The following GPR139 variants were observed in gnomAD, a reference collection of about 807,000 sequenced individuals.
GPR139 encodes the protein G protein-coupled receptor 139, also known as probable G protein-coupled receptor 139.
In GPR139, 12 loss-of-function variants were observed where a neutral mutation model predicts 25.8. That is an observed-to-expected ratio of 0.47 (90% CI 0.30 to 0.75). The LOEUF (loss-of-function observed/expected upper bound fraction) is 0.75, where lower values mean the gene tolerates loss of function less well. Among genes scored for constraint, GPR139 ranks in the 30% least tolerant of loss-of-function variants. The pLI is 0.07. For missense variants in GPR139, 380 were observed against 450.2 expected (o/e 0.84, Z 1.41); for synonymous variants, 184 against 179.9 (o/e 1.02, Z -0.18).
intron 1 of GPR139, among the ~76,000 whole-genome samples, chr16:20,033,787 AC>A (rs1333911785): frequency 1.3e-5 from 2 of 152,144 alleles, no homozygotes; most frequent in Non-Finnish European, 2.9e-5. Flanking sequence ...CAGGGAAATT[AC>A]AGTTAATAAA....
chr16:20,068,474 G>A lies in GPR139; in HGVS notation c.127+5016C>T, dbSNP rs117927476. 1.8e-3 allele frequency among the ~76,000 whole-genome samples: 276 copies of A among 152,238 alleles called. 1 individual carries two copies. In the East Asian group the frequency reaches 0.025, roughly 14 times the overall value. ...TACTAACCATGTATCTTGCAAACAC[G>A]CTGAACTCATTTATTAGTTCTTAGG... On this transcript the variant is annotated intron_variant, in intron 1 of 1. Coordinates refer to ENST00000570682, the MANE Select transcript of GPR139 (RefSeq NM_001002911.4).
At chr16:20,037,381 G>A (rs1396934761) in intron 1 of GPR139, among the ~76,000 whole-genome samples, 2 of 151,380 alleles carry the variant, frequency 1.3e-5, no homozygotes, top group Non-Finnish European at 1.5e-5. Flanking sequence ...GAACTCGGGA[G>A]GTGGAAGTTA....
intron 1 of GPR139, among the ~76,000 whole-genome samples, chr16:20,067,946 T>C (rs756885559): frequency 1.3e-5 from 2 of 151,450 alleles, no homozygotes; most frequent in Non-Finnish European, 2.9e-5. Flanking sequence ...ATGATTAATA[T>C]ATTAAGTGGA....
chr16:20,032,032 C>T lies in GPR139; in HGVS notation c.765G>A (p.Ala255=), dbSNP rs1303527167. Residue 255 remains alanine (A), a synonymous_variant, in exon 2 of 2, where the codon GCG becomes GCA. Transcript: ENST00000570682. The part of the protein sequence containing the change: ...IIMILYHLYG[A]PIQNRWLVHI... Reference sequence around the variant, plus strand: ...GTACCAGCCAGCGGTTCTGGATGGGCGCCCCATAGAGGTGGTAAAGAATCA... The same window carrying T: ...GTACCAGCCAGCGGTTCTGGATGGGTGCCCCATAGAGGTGGTAAAGAATCA... 4.3e-6 allele frequency: 7 copies of T among 1,614,006 alleles called. No homozygotes were observed. The highest frequency in any genetic ancestry group is 1.1e-5 in the South Asian group (1 of 91,072).
At chr16:20,049,518 G>GCGCTTTGTT (rs2057365036) in intron 1 of GPR139, among the ~76,000 whole-genome samples, 2 of 152,226 alleles carry the variant, frequency 1.3e-5, no homozygotes, top group African/African-American at 4.8e-5. Context: ...CTGTTAAGAA[G>GCGCTTTGTT]ACTGAGTAAT....
intron 1 of GPR139, among the ~76,000 whole-genome samples, chr16:20,036,204 A>T (rs1022903786): frequency 6.6e-6 from 1 of 152,180 alleles, no homozygotes; most frequent in Non-Finnish European, 1.5e-5. Context: ...TGACCTAATC[A>T]TATATAGTCA....
At chr16:20,045,565 T>C (rs79653865) in intron 1 of GPR139, among the ~76,000 whole-genome samples, 1,623 of 152,198 alleles carry the variant, frequency 0.011, 17 homozygotes, top group Non-Finnish European at 0.016. Context: ...TTGTAACATA[T>C]TATTATTAGT....
At chr16:20,047,946 T>C (rs980610207) in intron 1 of GPR139, among the ~76,000 whole-genome samples, 1 of 152,194 alleles carries the variant, frequency 6.6e-6, no homozygotes, top group Non-Finnish European at 1.5e-5. Context: ...GTGCTAGGCA[T>C]GCTATACACT....
At chr16:20,037,857 A>T (rs886190196) in intron 1 of GPR139, among the ~76,000 whole-genome samples, 54 of 151,770 alleles carry the variant, frequency 3.6e-4, no homozygotes, top group African/African-American at 1.2e-3. Context: ...TTTTCTTGCA[A>T]CCTCTTTTTT....
chr16:20,060,239 GGT>G (rs139651154), intron 1 of GPR139, among the ~76,000 whole-genome samples: 13 of 150,572 alleles, frequency 8.6e-5, no homozygotes, highest in East Asian at 3.9e-4. Context: ...TTGGCTGCAG[GGT>G]GTGTGTGTGT....
chr16:20,053,905 A>G (rs887849368), intron 1 of GPR139, among the ~76,000 whole-genome samples: 36 of 152,132 alleles, frequency 2.4e-4, no homozygotes, highest in East Asian at 1.9e-3. Context: ...CCTGGTCATT[A>G]TCAATTACAC....
At position 20,034,717 on chromosome 16, in the gene GPR139, T is replaced by A. The variant is rs140916777; in HGVS notation, c.128-2048A>T. 2.5e-3 allele frequency among the ~76,000 whole-genome samples: 383 copies of A among 152,330 alleles called. 2 individuals are homozygous for A. The highest frequency in any genetic ancestry group is 8.8e-3 in the African/African-American group (366 of 41,576). ...ACTGTGCCCAGCCTTTTGCTTTCTT[T>A]TATACTGAAACTGCCATTCTATATA... On this transcript the variant is annotated intron_variant, in intron 1 of 1. Coordinates refer to ENST00000570682, the MANE Select transcript of GPR139 (RefSeq NM_001002911.4).
rs139610639 is a variant in GPR139, at chr16:20,041,110, AGAAAGGAAAGGAAAGGAAAG to A, written c.128-8461_128-8442del. 2.5e-5 allele frequency among the ~76,000 whole-genome samples: 2 copies of A among 81,560 alleles called. 1 individual carries two copies. The highest frequency in any genetic ancestry group is 8.4e-4 in the East Asian group (2 of 2,368). 53.5% of individuals were successfully genotyped at this position (81,560 alleles called of 152,430 possible). On this transcript the variant is annotated intron_variant, in intron 1 of 1. Transcript: ENST00000570682. ...GGGCGACAGAGTGAGACTCTGACCC[AGAAAGGAAAGGAAAGGAAAG>A]GAGAGGAGAGGAGAGGAGACGAGAG...
In GPR139 at chr16:20,031,953, A is replaced by C. The variant is rs776388655; in HGVS notation, c.844T>G (p.Phe282Val). 3 of 1,614,220 alleles carry C rather than the reference A, an allele frequency of 1.9e-6. No individual in the cohort carries two copies. ...MLALLNTAIN[F>V]FLYCFISKRF... ...TTGCTGATGAAGCAGTAGAGGAAGAAGTTGATGGCTGTGTTCAGAAGGGCT... is the reference window on the plus strand; with the variant it reads ...TTGCTGATGAAGCAGTAGAGGAAGACGTTGATGGCTGTGTTCAGAAGGGCT... The change falls in exon 2 of 2, where the codon TTC becomes GTC. Residue 282 changes from phenylalanine (F) to valine (V), a missense_variant. Coordinates refer to ENST00000570682, the MANE Select transcript of GPR139 (RefSeq NM_001002911.4).
intron 1 of GPR139, among the ~76,000 whole-genome samples, chr16:20,045,293 C>T (rs2057350672): frequency 6.6e-6 from 1 of 152,084 alleles, no homozygotes; most frequent in Non-Finnish European, 1.5e-5. Context: ...AGAGATTGCG[C>T]CTGGCCACTT....
chr16:20,073,264 ACACACACACACACACGCTCGCGCGCG>A lies in GPR139; in HGVS notation c.127+200_127+225del, dbSNP rs2057466616. 2.8e-5 allele frequency among the ~76,000 whole-genome samples: 4 copies of A among 144,072 alleles called. No individual in the cohort carries two copies. In the South Asian group the frequency reaches 9.1e-4, roughly 33 times the overall value. 94.5% of individuals were successfully genotyped at this position (144,072 alleles called of 152,430 possible). ...GCCGTCACAGTCATCACACACACAC[ACACACACACACACACGCTCGCGCGCG>A]CACACACACACACACGGTCCCCAGC... On this transcript the variant is annotated intron_variant, in intron 1 of 1. Coordinates refer to ENST00000570682, the MANE Select transcript of GPR139 (RefSeq NM_001002911.4). The surrounding 1 kb of genome is among the most constrained non-coding windows in gnomAD (Gnocchi z 4.7).
rs201471983 is a variant in GPR139, at chr16:20,073,530, G to A, written c.87C>T (p.Pro29=). ...PGSACGLGFV[P]VVYYSLLLCL... is the part of the protein sequence containing the mutation. ...ACAGCAAGAGGCTGTAGTAGACCAC[G>A]GGCACGAAACCCAAGCCGCAGGCCG... The change falls in exon 1 of 2, where the codon CCC becomes CCT. Residue 29 remains proline (P), a synonymous_variant. Coordinates refer to ENST00000570682, the MANE Select transcript of GPR139 (RefSeq NM_001002911.4). The surrounding 1 kb of genome is among the most constrained non-coding windows in gnomAD (Gnocchi z 4.7). 2.2e-5 allele frequency: 35 copies of A among 1,609,748 alleles called. 1 individual carries two copies. In the Middle Eastern group the frequency reaches 4.9e-4, roughly 23 times the overall value.
At chr16:20,058,642 C>T (rs1393119652) in intron 1 of GPR139, among the ~76,000 whole-genome samples, 1 of 152,168 alleles carries the variant, frequency 6.6e-6, no homozygotes, top group Non-Finnish European at 1.5e-5. Flanking sequence ...GGTCATTATT[C>T]CCTTTTCCCT....
intron 1 of GPR139, among the ~76,000 whole-genome samples, chr16:20,052,690 G>A (rs1440625390): frequency 6.6e-6 from 1 of 151,674 alleles, no homozygotes; most frequent in Non-Finnish European, 1.5e-5. Context: ...CCAGCCACTC[G>A]GGAGGCTGAG....
Sources: allele counts gnomAD v4.1 joint callset (sites outside exome capture counted in the v4.1 genomes callset), GRCh38; gene constraint gnomAD v4.1.1; non-coding constraint Gnocchi (gnomAD v3.1); transcripts MANE v1.5; gene names NCBI Gene and HGNC (gene_info 2026-07-23, HGNC 2026-07-21).